Variants in SPMIP7 observed in about 807,000 individuals in gnomAD.
SPMIP7 encodes the protein protein SPMIP7.
the SPMIP7 span, among the ~76,000 whole-genome samples, chr7:50,130,518 A>G: frequency 6.6e-6 from 1 of 152,142 alleles, no homozygotes; most frequent in Non-Finnish European, 1.5e-5. Context: ...ATTACAATTC[A>G]AGGTCAGATT....
the SPMIP7 span, among the ~76,000 whole-genome samples, chr7:50,122,339 G>A: frequency 2.0e-5 from 3 of 150,870 alleles, no homozygotes; most frequent in Admixed American, 6.6e-5. Flanking sequence ...TTAATAAATG[G>A]TGCTGGGAAA....
the SPMIP7 span, among the ~76,000 whole-genome samples, chr7:50,143,439 T>G: frequency 6.6e-6 from 1 of 152,262 alleles, no homozygotes; most frequent in Admixed American, 6.5e-5. Flanking sequence ...AGTGCTGGGA[T>G]TAAGGTGTCA....
chr7:50,135,237 A>G, the SPMIP7 span, among the ~76,000 whole-genome samples: 1 of 152,192 alleles, frequency 6.6e-6, no homozygotes, highest in South Asian at 2.1e-4. Context: ...CTTGCGAAGT[A>G]CCTTCTACTT....
At chr7:50,107,402 G>GAAAAAAAAAAAAAGAAAAGAAAAAGA in the SPMIP7 span, among the ~76,000 whole-genome samples, 1 of 97,368 alleles carries the variant, frequency 1.0e-5, no homozygotes, top group Non-Finnish European at 1.9e-5. Context: ...AAAAGAAAAA[G>GAAAAAAAAAAAAAGAAAAGAAAAAGA]AAAAAAAAAA....
chr7:50,122,634 A>G, the SPMIP7 span, among the ~76,000 whole-genome samples: 1 of 150,816 alleles, frequency 6.6e-6, no homozygotes, highest in Non-Finnish European at 1.5e-5. Context: ...CAGGCAACCT[A>G]CAAAATGGGA....
chr7:50,112,624 T>TA, the SPMIP7 span, among the ~76,000 whole-genome samples: 2 of 152,072 alleles, frequency 1.3e-5, no homozygotes, highest in African/African-American at 4.8e-5. Context: ...GGACAAATTA[T>TA]AAAAAATAAT....
chr7:50,141,889 C>G, the SPMIP7 span: 1 of 153,132 alleles, frequency 6.5e-6, no homozygotes, highest in Non-Finnish European at 1.5e-5. Context: ...CCATCACGCC[C>G]TGCTAATTTT....
chr7:50,152,486 T>C, the SPMIP7 span, among the ~76,000 whole-genome samples: 2 of 152,154 alleles, frequency 1.3e-5, no homozygotes, highest in South Asian at 2.1e-4. Context: ...ATTCCTGGCA[T>C]TGCAAACGGT....
the SPMIP7 span, among the ~76,000 whole-genome samples, chr7:50,137,056 T>C: frequency 6.6e-6 from 1 of 152,194 alleles, no homozygotes; most frequent in Non-Finnish European, 1.5e-5. Context: ...CATGCATTCT[T>C]ATAATTTTTT....
the SPMIP7 span, chr7:50,159,008 T>C: frequency 5.0e-5 from 78 of 1,546,436 alleles, 1 homozygote; most frequent in Admixed American, 1.4e-3. Context: ...ATGTCTTTTA[T>C]GTCTCATTTT....
chr7:50,126,428 A>G, the SPMIP7 span, among the ~76,000 whole-genome samples: 1 of 151,918 alleles, frequency 6.6e-6, no homozygotes. Flanking sequence ...TCAGGCCTAG[A>G]TAGTTTTACT....
chr7:50,135,958 G>C, the SPMIP7 span: 2 of 599,974 alleles, frequency 3.3e-6, no homozygotes, highest in East Asian at 5.6e-5. Flanking sequence ...TGAAGTGCTA[G>C]CAAAGCTTGG....
chr7:50,155,628 T>C, the SPMIP7 span, among the ~76,000 whole-genome samples: 115 of 152,340 alleles, frequency 7.5e-4, no homozygotes, highest in African/African-American at 2.5e-3. Flanking sequence ...AGCCATCCAA[T>C]GTGTGATAAA....
At chr7:50,144,624 G>A in the SPMIP7 span, among the ~76,000 whole-genome samples, 23 of 152,240 alleles carry the variant, frequency 1.5e-4, no homozygotes, top group Admixed American at 7.8e-4. Context: ...ATTGTTGCCT[G>A]AGTTTTCTTA....
At chr7:50,107,953 A>C in the SPMIP7 span, among the ~76,000 whole-genome samples, 1 of 152,216 alleles carries the variant, frequency 6.6e-6, no homozygotes, top group Non-Finnish European at 1.5e-5. Context: ...AACATAGTTT[A>C]TGGTAATTGC....
the SPMIP7 span, among the ~76,000 whole-genome samples, chr7:50,108,125 A>T: frequency 6.6e-6 from 1 of 152,230 alleles, no homozygotes; most frequent in African/African-American, 2.4e-5. Flanking sequence ...AGAAGAAACT[A>T]AGGAACATTT....
At chr7:50,150,995 T>G in the SPMIP7 span, among the ~76,000 whole-genome samples, 1 of 152,224 alleles carries the variant, frequency 6.6e-6, no homozygotes, top group Non-Finnish European at 1.5e-5. Context: ...AGTACATTAA[T>G]GGTGATAAGA....
the SPMIP7 span, among the ~76,000 whole-genome samples, chr7:50,109,776 T>A: frequency 6.6e-6 from 1 of 152,188 alleles, no homozygotes; most frequent in Non-Finnish European, 1.5e-5. Flanking sequence ...TCTAATAATT[T>A]CTGCATATGT....
chr7:50,150,237 G>C, the SPMIP7 span, among the ~76,000 whole-genome samples: 8 of 152,294 alleles, frequency 5.3e-5, no homozygotes, highest in African/African-American at 1.9e-4. Context: ...ACAGAGGTTT[G>C]CTTGTTGCTA....
Sources: allele counts gnomAD v4.1 joint callset (sites outside exome capture counted in the v4.1 genomes callset), GRCh38; gene constraint gnomAD v4.1.1; transcripts MANE v1.5; gene names NCBI Gene and HGNC (gene_info 2026-07-23, HGNC 2026-07-21).